ADAMTSL1: variants seen among roughly 807,000 people sequenced by gnomAD.
ADAMTSL1 encodes the protein ADAMTS-like protein 1.
ADAMTSL1 carries 126 observed loss-of-function variants against 201.8 expected under a neutral mutation model. That is an observed-to-expected ratio of 0.62 (90% CI 0.54 to 0.72). The LOEUF is 0.72. Among genes scored for constraint, ADAMTSL1 ranks in the 30% least tolerant of loss-of-function variants. ADAMTSL1 has a pLI of 0.00. For missense variants in ADAMTSL1, 2,679 were observed against 2,277.8 expected (o/e 1.18, Z -3.59); for synonymous variants, 1,121 against 903.4 (o/e 1.24, Z -4.32).
At chr9:18,399,534 G>A (rs1374668868) in intron 2 of ADAMTSL1, among the ~76,000 whole-genome samples, 1 of 150,402 alleles carries the variant, frequency 6.6e-6, no homozygotes, top group Non-Finnish European at 1.5e-5. Context: ...GTAGAGACAG[G>A]GTTTCACCCT....
chr9:18,584,869 G>T (rs770307704), intron 4 of ADAMTSL1, among the ~76,000 whole-genome samples: 1 of 152,112 alleles, frequency 6.6e-6, no homozygotes, highest in Admixed American at 6.5e-5. Context: ...CCGGCACCTG[G>T]ATCATGAATT....
chr9:18,630,569 TC>T lies in ADAMTSL1; in HGVS notation c.602-5372del, dbSNP rs1319186120. ...ACTGAGCTCTACAGGTCTTCATACT[TC>T]CAAAGCTGTAGCCTAGGAACTCTAT... is the stretch of plus-strand genomic sequence containing the variant. On this transcript the variant is annotated intron_variant, in intron 5 of 28. Transcript: ENST00000380548. Among the ~76,000 whole-genome samples the T allele has an allele frequency of 2.0e-5, 3 of 152,266 alleles. No individual in the cohort carries two copies. In the East Asian group the frequency reaches 5.8e-4, roughly 29 times the overall value.
rs139552549 is a variant in ADAMTSL1, at chr9:18,744,237, C to T, written c.2007-9061C>T. ...TAGCCAAATAGTTTAGCAGTTCGCT[C>T]ATAACTGTTACCTAACATTCTTTGC... On this transcript the variant is annotated intron_variant, in intron 15 of 28. Coordinates refer to ENST00000380548, the MANE Select transcript of ADAMTSL1 (RefSeq NM_001040272.6). 1.2e-4 allele frequency among the ~76,000 whole-genome samples: 19 copies of T among 152,366 alleles called. No individual in the cohort carries two copies. The East Asian group carries it at 1.9e-3, about 15-fold the overall frequency.
At chr9:18,321,965 T>A (rs1834639877) in intron 2 of ADAMTSL1, among the ~76,000 whole-genome samples, 1 of 152,138 alleles carries the variant, frequency 6.6e-6, no homozygotes, top group South Asian at 2.1e-4. Flanking sequence ...TGGAACTAAA[T>A]TAGAAATCAA....
At position 18,749,073 on chromosome 9, in the gene ADAMTSL1, A is replaced by G. The variant is rs1327304042; in HGVS notation, c.2007-4225A>G. On this transcript the variant is annotated intron_variant, in intron 15 of 28. Coordinates refer to ENST00000380548, the MANE Select transcript of ADAMTSL1 (RefSeq NM_001040272.6). Reference sequence around the variant, plus strand: ...CTTTTCTTATAAAAAACACAGTCGCATTGAATCAAGGGCTCACCCTACTCT... The same window carrying G: ...CTTTTCTTATAAAAAACACAGTCGCGTTGAATCAAGGGCTCACCCTACTCT... Among the ~76,000 whole-genome samples the G allele has an allele frequency of 2.6e-5, 4 of 152,176 alleles. No homozygotes were observed. The East Asian group carries it at 5.8e-4, about 22-fold the overall frequency.
At chr9:17,975,824 A>G (rs1192111835) in intron 1 of ADAMTSL1, among the ~76,000 whole-genome samples, 1 of 151,856 alleles carries the variant, frequency 6.6e-6, no homozygotes, top group Non-Finnish European at 1.5e-5. Flanking sequence ...CTTTTCACCT[A>G]TACTTTCTTC....
intron 2 of ADAMTSL1, among the ~76,000 whole-genome samples, chr9:18,245,991 C>T (rs577149303): frequency 1.3e-5 from 2 of 152,028 alleles, no homozygotes; most frequent in African/African-American, 2.4e-5. Context: ...AAAAGAATGG[C>T]GAATTGTTGC....
At chr9:18,893,632 A>C (rs1829434935) in intron 26 of ADAMTSL1, among the ~76,000 whole-genome samples, 1 of 152,246 alleles carries the variant, frequency 6.6e-6, no homozygotes, top group South Asian at 2.1e-4. Context: ...CGCTTGAAAG[A>C]GTAGCAAGGC....
intron 4 of ADAMTSL1, among the ~76,000 whole-genome samples, chr9:18,591,730 G>C (rs1267995567): frequency 6.6e-6 from 1 of 152,024 alleles, no homozygotes. Context: ...ACCAGAATAG[G>C]AGCCATTACA....
At chr9:18,151,688 A>G (rs546782494) in intron 1 of ADAMTSL1, among the ~76,000 whole-genome samples, 3 of 152,070 alleles carry the variant, frequency 2.0e-5, no homozygotes, top group African/African-American at 7.2e-5. Flanking sequence ...TTTATAACAT[A>G]GTAAGAAAGG....
rs1260962921 is a variant in ADAMTSL1, at chr9:18,468,380, A to G, written c.208-36449A>G. Among the ~76,000 whole-genome samples, 6 of 152,304 alleles carry G rather than the reference A, an allele frequency of 3.9e-5. No homozygotes were observed. In the East Asian group the frequency reaches 1.2e-3, roughly 29 times the overall value. On this transcript the variant is annotated intron_variant, in intron 2 of 29. Transcript: ENST00000680146. ...TTGAATTTGAATCTAAATTATGATA[A>G]TATTTTTCCCAGAGTTTCATTAAAT... is the stretch of plus-strand genomic sequence containing the variant.
Position 18,344,100 on chromosome 9 carries a change from G to T in ADAMTSL1, c.208-160729G>T, listed in dbSNP as rs190872776. Among the ~76,000 whole-genome samples, 165 of 152,158 alleles carry T rather than the reference G, an allele frequency of 1.1e-3. 2 individuals carry two copies. The highest frequency in any genetic ancestry group is 8.0e-3 in the Admixed American group (122 of 15,280). On this transcript the variant is annotated intron_variant, in intron 2 of 29. Coordinates refer to the ADAMTSL1 transcript ENST00000680146. Reference sequence around the variant, plus strand: ...TCCTAAAGGCTGTCTATGCAGTCCAGGTCTCACTTTCTTTGTCATGAGTGT... The same window carrying T: ...TCCTAAAGGCTGTCTATGCAGTCCATGTCTCACTTTCTTTGTCATGAGTGT...
In ADAMTSL1 at chr9:18,910,085, C is replaced by A. The variant is rs1287503507; in HGVS notation, c.*1537C>A. On this transcript the variant is annotated 3_prime_UTR_variant, in exon 29 of 29. Coordinates refer to ENST00000380548, the MANE Select transcript of ADAMTSL1 (RefSeq NM_001040272.6). ...TCCCCTCATGAAATGCCACTCACCC[C>A]GGGCTACCATTGACATCAGGGCTGC... 1 of 152,154 alleles carries A rather than the reference C, an allele frequency of 6.6e-6. No individual in the cohort carries two copies. Among genetic ancestry groups the A allele is most frequent in the Non-Finnish European group, 1.5e-5 (1 of 68,046 alleles). The allele number at this position is 152,154 out of a possible 1,614,324, so 9.4% of individuals were successfully genotyped here. A position where few individuals can be genotyped will look rare whatever the true frequency, so the allele number is the denominator to read the frequency against.
At chr9:18,227,946 A>G (rs193173089) in intron 2 of ADAMTSL1, among the ~76,000 whole-genome samples, 113 of 152,302 alleles carry the variant, frequency 7.4e-4, no homozygotes, top group Admixed American at 6.2e-3. Flanking sequence ...ATTAAGGTTC[A>G]TTGTTTGGAA....
At chr9:18,306,986 A>G (rs1036760108) in intron 2 of ADAMTSL1, among the ~76,000 whole-genome samples, 5 of 152,238 alleles carry the variant, frequency 3.3e-5, no homozygotes, top group Admixed American at 3.3e-4. Flanking sequence ...CCAGACTAAC[A>G]GTGGATCTCT....
chr9:18,444,133 T>C (rs1040126766), intron 2 of ADAMTSL1, among the ~76,000 whole-genome samples: 2 of 152,210 alleles, frequency 1.3e-5, no homozygotes, highest in Non-Finnish European at 2.9e-5. Context: ...TTTACCATGA[T>C]GTCTAGCATG....
intron 2 of ADAMTSL1, among the ~76,000 whole-genome samples, chr9:18,378,961 A>T (rs1046350279): frequency 2.0e-5 from 3 of 152,208 alleles, no homozygotes; most frequent in Non-Finnish European, 2.9e-5. Flanking sequence ...GCTGCAGGAT[A>T]CTTGGTCATC....
At chr9:18,683,455 A>T (rs1455883013) in intron 12 of ADAMTSL1, among the ~76,000 whole-genome samples, 1 of 151,102 alleles carries the variant, frequency 6.6e-6, no homozygotes, top group Admixed American at 6.6e-5. Context: ...CTGGTCTCGA[A>T]CTCCTGAGCT....
At chr9:17,977,279 G>C (rs1227964975) in intron 1 of ADAMTSL1, among the ~76,000 whole-genome samples, 1 of 152,026 alleles carries the variant, frequency 6.6e-6, no homozygotes, top group Non-Finnish European at 1.5e-5. Context: ...GTTGGCCTAT[G>C]ATTTTCTTTT....
Sources: gnomAD v4.1 joint callset for allele counts (sites outside exome capture counted in the v4.1 genomes callset) on GRCh38, gnomAD v4.1.1 for gene constraint, MANE v1.5 for transcripts, NCBI Gene and HGNC (gene_info 2026-07-23, HGNC 2026-07-21) for gene names.